DPY19L1: variants seen among roughly 807,000 people sequenced by gnomAD.
DPY19L1 encodes the protein protein C-mannosyl-transferase DPY19L1.
DPY19L1 carries 35 observed loss-of-function variants against 96.9 expected under a neutral mutation model. That is an observed-to-expected ratio of 0.36 (90% CI 0.28 to 0.48). The LOEUF (loss-of-function observed/expected upper bound fraction) is 0.48. DPY19L1 is among the 20% of genes least tolerant of loss of function. The pLI is 0.99. For missense variants in DPY19L1, 521 were observed against 777.9 expected (o/e 0.67, Z 3.93); for synonymous variants, 205 against 252.6 (o/e 0.81, Z 1.79).
At chr7:35,021,001 A>G (rs1584260387) in intron 1 of DPY19L1, among the ~76,000 whole-genome samples, 1 of 152,248 alleles carries the variant, frequency 6.6e-6, no homozygotes. Context: ...GAGCCACCAC[A>G]CCCGGCCCTA....
intron 10 of DPY19L1, among the ~76,000 whole-genome samples, chr7:34,960,420 G>T (rs1213942179): frequency 6.6e-6 from 1 of 151,958 alleles, no homozygotes. Flanking sequence ...TTTTGCTGCT[G>T]TTTTATCAAG....
intron 19 of DPY19L1, 106 bp from the exon 20 acceptor site, chr7:34,939,481 C>A: frequency 1.1e-6 from 1 of 887,762 alleles, no homozygotes; most frequent in Non-Finnish European, 1.7e-6. Context: ...GGAAGCCCAG[C>A]AGGTTCATGA....
At chr7:34,979,247 T>A (rs1201161436) in intron 7 of DPY19L1, among the ~76,000 whole-genome samples, 1 of 152,080 alleles carries the variant, frequency 6.6e-6, no homozygotes, top group Non-Finnish European at 1.5e-5. Flanking sequence ...AGAAAATATA[T>A]CTGGCAAGAT....
chr7:35,030,078 T>C (rs999236380), intron 1 of DPY19L1, among the ~76,000 whole-genome samples: 4 of 152,078 alleles, frequency 2.6e-5, no homozygotes, highest in Non-Finnish European at 4.4e-5. Flanking sequence ...TAAGGTCTCA[T>C]TTTCAAAAAA....
At chr7:34,980,413 G>A (rs1784914847) in intron 7 of DPY19L1, among the ~76,000 whole-genome samples, 1 of 151,890 alleles carries the variant, frequency 6.6e-6, no homozygotes, top group South Asian at 2.1e-4. Context: ...ATAAGAGACT[G>A]ATAAATGGAA....
intron 4 of DPY19L1, among the ~76,000 whole-genome samples, chr7:35,012,232 C>T (rs1011541786): frequency 1.3e-5 from 2 of 152,212 alleles, no homozygotes; most frequent in African/African-American, 4.8e-5. Context: ...GACAACTCTG[C>T]AAAGCCATCC....
chr7:34,946,369 T>C (rs183141113), intron 15 of DPY19L1, among the ~76,000 whole-genome samples: 32 of 152,360 alleles, frequency 2.1e-4, no homozygotes, highest in Admixed American at 2.0e-3. Context: ...GCCATGATTC[T>C]AAGGAGCCAG....
intron 12 of DPY19L1, 23 bp downstream of exon 12, chr7:34,955,283 AGC>A (rs1367790958): frequency 6.4e-7 from 1 of 1,551,628 alleles, no homozygotes; most frequent in African/African-American, 1.4e-5. Flanking sequence ...AAAAAACATA[AGC>A]ATTAAAATAG....
chr7:35,018,468 T>G, intron 2 of DPY19L1, 104 bp downstream of exon 2: 3 of 1,024,646 alleles, frequency 2.9e-6, no homozygotes, highest in Non-Finnish European at 4.5e-6. Context: ...TAATATATAT[T>G]CATACTGATC....
chr7:35,030,548 T>C (rs758332530), intron 1 of DPY19L1, among the ~76,000 whole-genome samples: 13 of 152,174 alleles, frequency 8.5e-5, no homozygotes, highest in Admixed American at 1.3e-4. Context: ...AAGTTAAAAT[T>C]ACAAAATGCC....
chr7:34,959,909 ATATAT>A (rs1562806878), intron 10 of DPY19L1, among the ~76,000 whole-genome samples: 38 of 116,966 alleles, frequency 3.2e-4, no homozygotes, highest in Middle Eastern at 4.9e-3. Context: ...ATATATATAT[ATATAT>A]ATATATATAT....
At chr7:35,020,002 C>G (rs1424780676) in intron 1 of DPY19L1, among the ~76,000 whole-genome samples, 1 of 151,982 alleles carries the variant, frequency 6.6e-6, no homozygotes, top group Non-Finnish European at 1.5e-5. Context: ...TTACAAAGCA[C>G]GAGCCTATTG....
At chr7:34,954,328 AAAG>A (rs1283729510) in intron 13 of DPY19L1, among the ~76,000 whole-genome samples, 10 of 152,122 alleles carry the variant, frequency 6.6e-5, no homozygotes, top group Non-Finnish European at 4.4e-5. Flanking sequence ...TGGAGAGAAA[AAAG>A]AATGAGACTA....
intron 1 of DPY19L1, among the ~76,000 whole-genome samples, chr7:35,022,573 T>C (rs1203337375): frequency 6.6e-6 from 1 of 152,252 alleles, no homozygotes; most frequent in Non-Finnish European, 1.5e-5. Context: ...ACTAGACTCT[T>C]GTTTAAACAA....
At chr7:35,000,125 T>C (rs766136114) in intron 6 of DPY19L1, among the ~76,000 whole-genome samples, 3 of 152,204 alleles carry the variant, frequency 2.0e-5, no homozygotes, top group South Asian at 4.1e-4. Context: ...AGCACATTAA[T>C]AGAAAGAAAG....
At position 34,973,626 on chromosome 7, in the gene DPY19L1, T is replaced by C. The variant is rs371722042; in HGVS notation, c.823-21A>G. On this transcript the variant is annotated intron_variant, in intron 7 of 21. Transcript: ENST00000638088. ...GTACACTGAAAAAAAAAATTTGTAGTATAGTATACTTGCTAAATTTACTAA... is the reference window on the plus strand; with the variant it reads ...GTACACTGAAAAAAAAAATTTGTAGCATAGTATACTTGCTAAATTTACTAA... 35 of 1,328,952 alleles carry C rather than the reference T, an allele frequency of 2.6e-5. No homozygotes were observed. The African/African-American group carries it at 4.4e-4, about 17-fold the overall frequency. The allele number at this position is 1,328,952 out of a possible 1,614,324, so 82.3% of individuals were successfully genotyped here.
chr7:35,033,391 T>C (rs1189826492), intron 1 of DPY19L1, among the ~76,000 whole-genome samples: 1 of 152,162 alleles, frequency 6.6e-6, no homozygotes, highest in Non-Finnish European at 1.5e-5. Context: ...GTAAGTTCCA[T>C]GAAGGTAGGG....
chr7:35,034,799 T>C (rs1161358964), intron 1 of DPY19L1, among the ~76,000 whole-genome samples: 2 of 152,232 alleles, frequency 1.3e-5, no homozygotes, highest in African/African-American at 4.8e-5. Flanking sequence ...TAATTGTTCT[T>C]TTTTTGATCA....
At chr7:34,950,814 A>G (rs1784253213) in intron 13 of DPY19L1, among the ~76,000 whole-genome samples, 1 of 152,192 alleles carries the variant, frequency 6.6e-6, no homozygotes, top group Non-Finnish European at 1.5e-5. Context: ...AATGAAAGAA[A>G]TAAGTCCTAG....
Sources: allele counts gnomAD v4.1 joint callset (sites outside exome capture counted in the v4.1 genomes callset), GRCh38; gene constraint gnomAD v4.1.1; transcripts MANE v1.5; gene names NCBI Gene and HGNC (gene_info 2026-07-23, HGNC 2026-07-21).